Variants in RERE observed in about 807,000 individuals in gnomAD.
RERE encodes arginine-glutamic acid dipeptide repeats.
A neutral mutation model predicts 146.1 loss-of-function variants in RERE; 40 were observed. That is an observed-to-expected ratio of 0.27 (90% CI 0.21 to 0.36). The LOEUF (loss-of-function observed/expected upper bound fraction) is 0.36. Among genes scored for constraint, RERE ranks in the 10% least tolerant of loss-of-function variants. The pLI is 1.00. For missense variants in RERE, 1,933 were observed against 2,138.7 expected (o/e 0.90, Z 1.90); for synonymous variants, 1,003 against 866.0 (o/e 1.16, Z -2.78).
At chr1:8,636,052 G>A (rs778752825) in intron 2 of RERE, among the ~76,000 whole-genome samples, 3 of 151,976 alleles carry the variant, frequency 2.0e-5, no homozygotes, top group Non-Finnish European at 4.4e-5. Flanking sequence ...GCAATGGCGC[G>A]ATCTCAGCTC....
chr1:8,500,253 G>C (rs1305128642), intron 8 of RERE, among the ~76,000 whole-genome samples: 14 of 152,188 alleles, frequency 9.2e-5, no homozygotes, highest in Non-Finnish European at 1.5e-5. Flanking sequence ...GTTCTCTAAT[G>C]TCTGTTATTA....
chr1:8,640,671 T>A (rs2124282312), intron 2 of RERE, among the ~76,000 whole-genome samples: 1 of 152,310 alleles, frequency 6.6e-6, no homozygotes, highest in African/African-American at 2.4e-5. Flanking sequence ...GGATATTTAA[T>A]GCATATATAA....
At chr1:8,689,999 C>T (rs1327590850) in intron 1 of RERE, among the ~76,000 whole-genome samples, 1 of 152,164 alleles carries the variant, frequency 6.6e-6, no homozygotes. Context: ...AAGTATAATC[C>T]TCATTTCGTT....
intron 12 of RERE, among the ~76,000 whole-genome samples, chr1:8,407,149 G>T (rs193192215): frequency 2.0e-5 from 3 of 152,338 alleles, no homozygotes; most frequent in African/African-American, 7.2e-5. Context: ...ACTATTTGGT[G>T]ATCTGCACAT....
intron 11 of RERE, among the ~76,000 whole-genome samples, chr1:8,449,985 T>C (rs1336233147): frequency 6.6e-6 from 1 of 152,220 alleles, no homozygotes; most frequent in Non-Finnish European, 1.5e-5. Flanking sequence ...AAAACTAGTT[T>C]ATCCTCCTCA....
chr1:8,494,095 T>G (rs1296771270), intron 10 of RERE, among the ~76,000 whole-genome samples: 1 of 152,220 alleles, frequency 6.6e-6, no homozygotes, highest in East Asian at 1.9e-4. Context: ...ATTATGGGAT[T>G]AAAGTAGATG....
At chr1:8,543,632 C>T (rs1645825020) in intron 6 of RERE, among the ~76,000 whole-genome samples, 1 of 152,162 alleles carries the variant, frequency 6.6e-6, no homozygotes, top group Non-Finnish European at 1.5e-5. Flanking sequence ...ACAGTTTGTA[C>T]TAAATAATTA....
At chr1:8,516,488 T>C (rs1179836678) in intron 7 of RERE, among the ~76,000 whole-genome samples, 1 of 152,142 alleles carries the variant, frequency 6.6e-6, no homozygotes, top group African/African-American at 2.4e-5. Flanking sequence ...TTTCCATTTA[T>C]TTTCTTATCT....
At chr1:8,604,655 A>AGGAG (rs1646679155) in intron 4 of RERE, among the ~76,000 whole-genome samples, 4 of 149,114 alleles carry the variant, frequency 2.7e-5, no homozygotes, top group Non-Finnish European at 4.4e-5. Context: ...GAAGGAAGGA[A>AGGAG]GGAAGGAAGG....
chr1:8,413,194 G>C (rs1267412736), intron 12 of RERE, among the ~76,000 whole-genome samples: 3 of 151,932 alleles, frequency 2.0e-5, no homozygotes, highest in Admixed American at 1.3e-4. Context: ...GCCATAAAGA[G>C]GTATTAAAAT....
intron 21 of RERE, among the ~76,000 whole-genome samples, 179 bp downstream of exon 21, chr1:8,355,921 C>G (rs1467151075): frequency 6.6e-6 from 1 of 152,110 alleles, no homozygotes; most frequent in Non-Finnish European, 1.5e-5. Context: ...TGACCCCTAC[C>G]CCAGACAGCC....
At chr1:8,422,690 G>GA (rs1240167989) in intron 12 of RERE, 37 bp downstream of exon 12, 23 of 1,479,646 alleles carry the variant, frequency 1.6e-5, no homozygotes, top group Non-Finnish European at 2.2e-5. Context: ...GAGCAAAGAG[G>GA]AAAAAATCAA....
intron 7 of RERE, among the ~76,000 whole-genome samples, chr1:8,536,169 C>T (rs1214953006): frequency 6.6e-6 from 1 of 151,610 alleles, no homozygotes; most frequent in African/African-American, 2.4e-5. Flanking sequence ...GTAATTACTT[C>T]TGCAATTCCC....
In RERE at chr1:8,709,764, T is replaced by A. The variant is rs79800142; in HGVS notation, c.-144-53323A>T. Among the ~76,000 whole-genome samples, 739 of 152,314 alleles carry A rather than the reference T, an allele frequency of 4.9e-3. 6 individuals are homozygous for A. The highest frequency in any genetic ancestry group is 0.017 in the African/African-American group (709 of 41,562). ...GTCTTTTTCACATTTTTTACTCTTA[T>A]AAACAGTGCTACAACAAACTTCTTT... On this transcript the variant is annotated intron_variant, in intron 1 of 22. Transcript: ENST00000400908.
intron 7 of RERE, among the ~76,000 whole-genome samples, chr1:8,534,625 C>G (rs571094590): frequency 6.6e-6 from 1 of 152,036 alleles, no homozygotes; most frequent in African/African-American, 2.4e-5. Context: ...TGAATAACAA[C>G]AGCAGCAGGT....
At chr1:8,634,897 G>C (rs1284797711) in intron 2 of RERE, among the ~76,000 whole-genome samples, 1 of 151,986 alleles carries the variant, frequency 6.6e-6, no homozygotes, top group Non-Finnish European at 1.5e-5. Flanking sequence ...CACCACGCCC[G>C]GCTAATTTTT....
chr1:8,778,770 A>G (rs1333798465), intron 1 of RERE, among the ~76,000 whole-genome samples: 1 of 152,096 alleles, frequency 6.6e-6, no homozygotes, highest in East Asian at 1.9e-4. Flanking sequence ...CACGAGGTGG[A>G]CATTGCAGTG....
At chr1:8,782,601 G>T (rs1641185412) in intron 1 of RERE, among the ~76,000 whole-genome samples, 1 of 152,016 alleles carries the variant, frequency 6.6e-6, no homozygotes, top group Non-Finnish European at 1.5e-5. Flanking sequence ...TTTAACCTTG[G>T]TGTGTCCAAA....
chr1:8,560,269 C>T (rs1382354952), intron 4 of RERE, among the ~76,000 whole-genome samples: 1 of 152,138 alleles, frequency 6.6e-6, no homozygotes, highest in Non-Finnish European at 1.5e-5. Flanking sequence ...ATGACATCCC[C>T]GGCTTCTAAC....
Sources: allele counts gnomAD v4.1 joint callset (sites outside exome capture counted in the v4.1 genomes callset), GRCh38; gene constraint gnomAD v4.1.1; transcripts MANE v1.5; gene names NCBI Gene and HGNC (gene_info 2026-07-23, HGNC 2026-07-21).